The following CRYBG3 variants were observed in gnomAD, a reference collection of about 807,000 sequenced individuals.
CRYBG3 encodes the protein very large A-kinase anchor protein.
A neutral mutation model predicts 244.2 loss-of-function variants in CRYBG3; 127 were observed. That is an observed-to-expected ratio of 0.52 (90% CI 0.45 to 0.60). The LOEUF is 0.60. Among genes scored for constraint, CRYBG3 ranks in the 20% least tolerant of loss-of-function variants. CRYBG3 has a pLI of 0.00. For synonymous variants in CRYBG3, 1,132 were observed against 1,195.8 expected, an observed-to-expected ratio of 0.95 and a Z score of 1.10; for missense variants, 3,325 against 3,442.5, an observed-to-expected ratio of 0.97 and a Z score of 0.85.
intron 1 of CRYBG3, among the ~76,000 whole-genome samples, chr3:97,834,172 A>G (rs929332845): frequency 6.4e-4 from 97 of 152,272 alleles, no homozygotes; most frequent in African/African-American, 2.3e-3. Context: ...GCACTTGCAT[A>G]CTTATAAAAT....
chr3:97,903,515 C>A (rs2039728875), intron 15 of CRYBG3, among the ~76,000 whole-genome samples: 1 of 152,036 alleles, frequency 6.6e-6, no homozygotes, highest in African/African-American at 2.4e-5. Flanking sequence ...TAAGACTTTT[C>A]CTTAATAATC....
intron 2 of CRYBG3, among the ~76,000 whole-genome samples, chr3:97,859,529 A>G (rs972063362): frequency 3.9e-5 from 6 of 152,240 alleles, no homozygotes; most frequent in Non-Finnish European, 7.3e-5. Context: ...CTAAATGCCC[A>G]TAATAGTATC....
chr3:97,893,120 A>G (rs2039600598), intron 11 of CRYBG3, 127 bp downstream of exon 11: 1 of 812,424 alleles, frequency 1.2e-6, no homozygotes, highest in Non-Finnish European at 1.9e-6. Flanking sequence ...GTAATATGGA[A>G]AGTAAAAAAT....
At chr3:97,933,451 G>A in intron 17 of CRYBG3, 1 of 553,486 alleles carries the variant, frequency 1.8e-6, no homozygotes, top group African/African-American at 1.9e-5. Context: ...TATTATGGCT[G>A]TTTTTATTAT....
chr3:97,886,121 AT>A (rs1176966349), intron 7 of CRYBG3, among the ~76,000 whole-genome samples: 2 of 152,180 alleles, frequency 1.3e-5, no homozygotes, highest in East Asian at 3.8e-4. Context: ...AGGAAAACAG[AT>A]TTCCTTTACC....
intron 1 of CRYBG3, among the ~76,000 whole-genome samples, chr3:97,841,293 C>T (rs912969663): frequency 6.9e-6 from 1 of 144,882 alleles, no homozygotes; most frequent in South Asian, 2.1e-4. Context: ...GGTGCGTACA[C>T]CTATATGTAT....
chr3:97,907,482 T>C (rs2039791795), intron 15 of CRYBG3, among the ~76,000 whole-genome samples: 1 of 151,004 alleles, frequency 6.6e-6, no homozygotes, highest in Admixed American at 6.6e-5. Flanking sequence ...TGGGAGAGTG[T>C]ATGTGTCAAG....
Position 97,876,722 on chromosome 3 carries a change from T to C in CRYBG3, c.5528T>C (p.Ile1843Thr), listed in dbSNP as rs79662584. The C allele has an allele frequency of 0.047, 58,580 of 1,255,836 alleles. 1,547 individuals carry two copies. The highest frequency in any genetic ancestry group is 0.051 in the Non-Finnish European group (51,233 of 1,002,838). 77.8% of individuals were successfully genotyped at this position (1,255,836 alleles called of 1,614,324 possible). The change falls in exon 4 of 22, where the codon ATA becomes ACA. Residue 1843 changes from isoleucine to threonine, a missense_variant. Ile to Thr is a moderately conservative substitution (Grantham distance 89). This residue lies in a region of CRYBG3 where 635 missense variants were observed against 771.7 expected (regional missense o/e 0.82). Coordinates refer to ENST00000389622, the MANE Select transcript of CRYBG3 (RefSeq NM_153605.4). The part of the protein sequence containing the change: ...IGATVSTPSV[I>T]EMEKISPEDR... Reference sequence around the variant, plus strand: ...GCAACTGTGTCCACACCCTCTGTGATAGAAATGGAAAAAATATCCCCAGAA... The same window carrying C: ...GCAACTGTGTCCACACCCTCTGTGACAGAAATGGAAAAAATATCCCCAGAA...
intron 2 of CRYBG3, among the ~76,000 whole-genome samples, chr3:97,863,765 A>T (rs986171029): frequency 5.9e-5 from 9 of 152,242 alleles, no homozygotes; most frequent in Non-Finnish European, 1.2e-4. Flanking sequence ...GTCTCTCTCC[A>T]TATTTACCTC....
chr3:97,917,629 A>C (rs1043122259), intron 17 of CRYBG3, among the ~76,000 whole-genome samples: 12 of 152,182 alleles, frequency 7.9e-5, no homozygotes, highest in Non-Finnish European at 1.5e-4. Context: ...TGCTATGTAA[A>C]CCAGAAGGTC....
Position 97,864,622 on chromosome 3 carries a change from G to T in CRYBG3, c.622G>T (p.Asp208Tyr). 2 of 1,520,782 alleles carry T rather than the reference G, an allele frequency of 1.3e-6. No homozygotes were observed. Among genetic ancestry groups the T allele is most frequent in the South Asian group, 2.5e-5 (2 of 80,600 alleles). 94.2% of individuals were successfully genotyped at this position (1,520,782 alleles called of 1,614,324 possible). ...AFSLDTTQDS[D>Y]QETTNLLKQI... ...TTCTTTGGATACAACACAAGACAGT[G>T]ACCAAGAAACCACTAATTTGCTAAA... The change falls in exon 3 of 22, where the codon GAC becomes TAC. Residue 208 changes from aspartate to tyrosine, a missense_variant. Physicochemically the swap from Asp to Tyr is radical, Grantham distance 160 (BLOSUM62 -3). Coordinates refer to ENST00000389622, the MANE Select transcript of CRYBG3 (RefSeq NM_153605.4).
intron 19 of CRYBG3, among the ~76,000 whole-genome samples, chr3:97,937,875 TA>T (rs2040181857): frequency 6.6e-6 from 1 of 152,138 alleles, no homozygotes; most frequent in African/African-American, 2.4e-5. Context: ...TTTCTGCCAA[TA>T]TTATTAAAGC....
rs920831041 is a variant in CRYBG3, at chr3:97,904,039, G to A, written c.8004+3554G>A. ...TGAGTTGTTTTGTATATTTGTTATC[G>A]ATTGTTCTGTAAAGGTAGCCAACAT... On this transcript the variant is annotated intron_variant, in intron 15 of 21. Transcript: ENST00000389622. Among the ~76,000 whole-genome samples the A allele has an allele frequency of 3.3e-5, 5 of 152,156 alleles. No individual in the cohort carries two copies. In the East Asian group the frequency reaches 5.8e-4, roughly 18 times the overall value.
chr3:97,880,085 A>G lies in CRYBG3; in HGVS notation c.6989A>G (p.Lys2330Arg). The G allele has an allele frequency of 6.4e-7, 1 of 1,569,878 alleles. No homozygotes were observed. Among genetic ancestry groups the G allele is most frequent in the South Asian group, 1.1e-5 (1 of 87,080 alleles). The change falls in exon 6 of 22, where the codon AAA becomes AGA. Residue 2330 changes from lysine to arginine, a missense_variant. By Grantham distance (26) the Lys-to-Arg change is conservative (BLOSUM62 2). Around this residue, in one of 4 missense-constraint regions of CRYBG3, gnomAD observed 714 missense variants for 803.6 expected, o/e 0.89. Coordinates refer to ENST00000389622, the MANE Select transcript of CRYBG3 (RefSeq NM_153605.4). ...SWSFPNGVLIKVVRGCWILYE... is the reference protein window; with the variant it reads ...SWSFPNGVLIRVVRGCWILYE... ...TCTTTTCCAAATGGAGTTCTAATAA[A>G]AGTTGTAAGGGGCTGGTAAGAAGTT...
intron 8 of CRYBG3, among the ~76,000 whole-genome samples, chr3:97,888,011 A>G (rs189708615): frequency 6.6e-6 from 1 of 152,300 alleles, no homozygotes; most frequent in African/African-American, 2.4e-5. Context: ...ATATAGTGAA[A>G]TTGTTTTTGA....
At position 97,874,525 on chromosome 3, in the gene CRYBG3, G is replaced by A; in HGVS notation, c.3331G>A (p.Glu1111Lys). 8.5e-6 allele frequency: 13 copies of A among 1,535,028 alleles called. No individual in the cohort carries two copies. Among genetic ancestry groups the A allele is most frequent in the Non-Finnish European group, 1.1e-5 (13 of 1,146,480 alleles). Residue 1111 changes from glutamate to lysine, a missense_variant, in exon 4 of 22, where the codon GAA (glutamate) becomes AAA (lysine). This residue lies in a region of CRYBG3 where 1,526 missense variants were observed against 1,443.2 expected (regional missense o/e 1.06). Coordinates refer to ENST00000389622, the MANE Select transcript of CRYBG3 (RefSeq NM_153605.4). ...GTTGTACCCTACTACCTCTTATTTG[G>A]AATTTGAAACGTCTGTCTCAATTGG... is the stretch of plus-strand genomic sequence containing the variant. ...NLLYPTTSYL[E>K]FETSVSIGTE...
chr3:97,874,677 A>T lies in CRYBG3; in HGVS notation c.3483A>T (p.Ala1161=). ...AGACTGGAGCAGTTGCTGGGCCTGC[A>T]GCGTCAGTTAACAGCTCAGGCCAAC... ...EAETGAVAGP[A]ASVNSSGQQC... The change falls in exon 4 of 22, where the codon GCA becomes GCT. Residue 1161 remains alanine (A), a synonymous_variant. Transcript: ENST00000389622. 6.5e-7 allele frequency: 1 copy of T among 1,535,950 alleles called. No individual in the cohort carries two copies. The highest frequency in any genetic ancestry group is 1.4e-5 in the African/African-American group (1 of 73,176).
chr3:97,911,582 G>T (rs831882), intron 15 of CRYBG3, among the ~76,000 whole-genome samples: 115,435 of 152,080 alleles, frequency 0.76, 44,470 homozygotes, highest in East Asian at 0.85. Context: ...TTCTTCACCA[G>T]AAATCTTCCA....
chr3:97,839,161 G>A (rs1471960288), intron 1 of CRYBG3, among the ~76,000 whole-genome samples: 1 of 152,080 alleles, frequency 6.6e-6, no homozygotes, highest in African/African-American at 2.4e-5. Context: ...AATACCCTGG[G>A]TCCCAAAGGG....
Sources: allele counts gnomAD v4.1 joint callset (sites outside exome capture counted in the v4.1 genomes callset), GRCh38; gene constraint gnomAD v4.1.1; regional missense constraint gnomAD v4.1.1; transcripts MANE v1.5; gene names NCBI Gene and HGNC (gene_info 2026-07-23, HGNC 2026-07-21).